DLGAP4: variants seen among roughly 807,000 people sequenced by gnomAD.
DLGAP4 encodes disks large-associated protein 4.
Under a neutral mutation model 86.9 loss-of-function variants are expected in DLGAP4, and 18 were observed. The ratio of observed to expected loss-of-function variants is 0.21; its 90% CI spans 0.14 to 0.31. The LOEUF is 0.31. Among genes scored for constraint, DLGAP4 ranks in the 10% least tolerant of loss-of-function variants. The probability of loss-of-function intolerance (pLI) is 1.00; values close to 1 mark genes in which losing one functional copy is unlikely to be tolerated. For missense variants in DLGAP4, 1,085 were observed against 1,362.6 expected, an observed-to-expected ratio of 0.80 and a Z score of 3.21; for synonymous variants, 548 against 574.3, an observed-to-expected ratio of 0.95 and a Z score of 0.65.
chr20:36,401,086 A>G (rs2032146157), intron 2 of DLGAP4, among the ~76,000 whole-genome samples: 1 of 152,048 alleles, frequency 6.6e-6, no homozygotes, highest in Non-Finnish European at 1.5e-5. Flanking sequence ...CCGCCCAGCA[A>G]CCAGAGACCT....
chr20:36,455,270 C>G (rs1269582758), intron 7 of DLGAP4, among the ~76,000 whole-genome samples: 1 of 151,974 alleles, frequency 6.6e-6, no homozygotes, highest in Non-Finnish European at 1.5e-5. Context: ...CTCTGCTTCT[C>G]CCTCCCACCC....
In DLGAP4 at chr20:36,431,991, G is replaced by T; in HGVS notation, c.274G>T (p.Ala92Ser). 1.2e-6 allele frequency: 2 copies of T among 1,614,152 alleles called. No individual in the cohort carries two copies. Among genetic ancestry groups the T allele is most frequent in the South Asian group, 2.2e-5 (2 of 91,082 alleles). ...AGAGGAGAGCCCCTTCCCCAGCCAT[G>T]CCCAAGCCACCAAGATCAACCGGCT... ...VPEESPFPSH[A>S]QATKINRLPA... is the part of the protein sequence containing the mutation. Residue 92 changes from alanine to serine, a missense_variant, in exon 3 of 13, where the codon GCC becomes TCC. Physicochemically the swap from Ala to Ser is moderately conservative, Grantham distance 99. Around this residue, in one of 2 missense-constraint regions of DLGAP4, gnomAD observed 1,082 missense variants for 1,344.1 expected, o/e 0.81. Coordinates refer to ENST00000339266, the MANE Select transcript of DLGAP4 (RefSeq NM_001365621.2). The surrounding 1 kb of genome is among the most constrained non-coding windows in gnomAD (Gnocchi z 5.1).
At chr20:36,388,990 A>C (rs1347056439) in intron 2 of DLGAP4, among the ~76,000 whole-genome samples, 4 of 152,164 alleles carry the variant, frequency 2.6e-5, no homozygotes, top group Non-Finnish European at 5.9e-5. Context: ...GACAAAGAGG[A>C]GTCAGGGCCA....
intron 2 of DLGAP4, among the ~76,000 whole-genome samples, chr20:36,398,955 G>A (rs2032076526): frequency 2.0e-5 from 3 of 152,218 alleles, no homozygotes; most frequent in Non-Finnish European, 4.4e-5. Flanking sequence ...CACTTTGGGA[G>A]GCTGAGGCGG....
intron 10 of DLGAP4, chr20:36,510,995 A>G (rs139452173): frequency 6.6e-6 from 1 of 152,234 alleles, no homozygotes; most frequent in African/African-American, 2.4e-5. Context: ...TAGAATTTGT[A>G]TATCAAGTTC....
intron 7 of DLGAP4, among the ~76,000 whole-genome samples, chr20:36,467,857 G>A (rs1183031827): frequency 6.6e-6 from 1 of 152,218 alleles, no homozygotes; most frequent in Non-Finnish European, 1.5e-5. Context: ...CATGAAATCT[G>A]TACAATAAGC....
At chr20:36,447,896 G>T (rs1401863155) in intron 7 of DLGAP4, among the ~76,000 whole-genome samples, 1 of 115,590 alleles carries the variant, frequency 8.7e-6, no homozygotes. Flanking sequence ...GGCCTATCAG[G>T]GGGGTGGGGG....
Position 36,447,266 on chromosome 20 carries a change from C to A in DLGAP4, c.1648+329C>A, listed in dbSNP as rs904199968. ...CAGGGCTTACTGCAGCTTGACCTGC[C>A]TCTTGGAATTAGTTCAGGTAGGCAA... On this transcript the variant is annotated intron_variant, in intron 7 of 12. Transcript: ENST00000339266. Among the ~76,000 whole-genome samples the A allele has an allele frequency of 2.6e-5, 4 of 152,162 alleles. No individual in the cohort carries two copies. In the East Asian group the frequency reaches 7.7e-4, roughly 29 times the overall value.
intron 2 of DLGAP4, among the ~76,000 whole-genome samples, chr20:36,369,911 A>G (rs1215771969): frequency 1.3e-5 from 2 of 152,036 alleles, no homozygotes; most frequent in African/African-American, 2.4e-5. Context: ...TATTCTGCCC[A>G]TTTTACAGAG....
In DLGAP4 at chr20:36,431,552, TC is replaced by T; in HGVS notation, c.-72-92del. 1 of 738,504 alleles carries T rather than the reference TC, an allele frequency of 1.4e-6. No homozygotes were observed. The highest frequency in any genetic ancestry group is 2.1e-6 in the Non-Finnish European group (1 of 468,192). 45.7% of individuals were successfully genotyped at this position (738,504 alleles called of 1,614,324 possible). On this transcript the variant is annotated intron_variant, in intron 2 of 12. Coordinates refer to ENST00000339266, the MANE Select transcript of DLGAP4 (RefSeq NM_001365621.2). This position sits in a 1 kb window ranked among gnomAD's most constrained non-coding sequence, Gnocchi z 5.1. ...CAACATTGAGGACTGGCTTCAGAGA[TC>T]CTCCCAGCCTTGCGATCTGGATCTG...
At chr20:36,333,855 C>T (rs1465872195) in intron 1 of DLGAP4, among the ~76,000 whole-genome samples, 3 of 152,204 alleles carry the variant, frequency 2.0e-5, no homozygotes, top group African/African-American at 7.2e-5. Context: ...ATAATTTTCC[C>T]CACTCCCTGC....
intron 2 of DLGAP4, among the ~76,000 whole-genome samples, chr20:36,369,018 C>A (rs558843163): frequency 1.3e-5 from 2 of 152,150 alleles, no homozygotes; most frequent in South Asian, 4.1e-4. Context: ...CGTGTGTGGC[C>A]CAGTGACGGA....
intron 2 of DLGAP4, among the ~76,000 whole-genome samples, chr20:36,392,658 G>A (rs1218922476): frequency 6.6e-6 from 1 of 152,164 alleles, no homozygotes; most frequent in Non-Finnish European, 1.5e-5. Flanking sequence ...GTGAGCCACC[G>A]CGCCCAGCCC....
At chr20:36,412,483 G>T (rs1021499835) in intron 2 of DLGAP4, among the ~76,000 whole-genome samples, 1 of 152,242 alleles carries the variant, frequency 6.6e-6, no homozygotes, top group Non-Finnish European at 1.5e-5. Context: ...AGCACAGGAA[G>T]CTCATTAGTG....
At chr20:36,459,699 C>T (rs2147609403) in intron 7 of DLGAP4, among the ~76,000 whole-genome samples, 1 of 152,342 alleles carries the variant, frequency 6.6e-6, no homozygotes, top group Non-Finnish European at 1.5e-5. Context: ...CCTCCGCTTC[C>T]CAGGTTCAAG....
chr20:36,332,297 C>T (rs1432423204), intron 1 of DLGAP4, among the ~76,000 whole-genome samples: 1 of 152,142 alleles, frequency 6.6e-6, no homozygotes, highest in East Asian at 1.9e-4. Flanking sequence ...ATGGCCCGAT[C>T]TCCACGGCCC....
intron 3 of DLGAP4, among the ~76,000 whole-genome samples, chr20:36,433,609 C>T (rs187688513): frequency 2.0e-5 from 3 of 151,084 alleles, no homozygotes; most frequent in East Asian, 3.9e-4. Flanking sequence ...GGAATGCAAG[C>T]GCGGGCCTGG....
chr20:36,461,017 C>G (rs748471388), intron 7 of DLGAP4, among the ~76,000 whole-genome samples: 4 of 152,204 alleles, frequency 2.6e-5, no homozygotes, highest in Non-Finnish European at 5.9e-5. Flanking sequence ...GAGGGCCAAT[C>G]TGACTATGCA....
At chr20:36,524,210 G>A in intron 10 of DLGAP4, 40 bp from the exon 11 acceptor site, 1 of 1,542,834 alleles carries the variant, frequency 6.5e-7, no homozygotes, top group South Asian at 1.1e-5. Flanking sequence ...CAAACCCTGT[G>A]CTGTGCTAAA....
Sources: gnomAD v4.1 joint callset for allele counts (sites outside exome capture counted in the v4.1 genomes callset) on GRCh38, gnomAD v4.1.1 for gene constraint, gnomAD v4.1.1 regional missense constraint, Gnocchi (gnomAD v3.1) non-coding constraint, MANE v1.5 for transcripts, NCBI Gene and HGNC (gene_info 2026-07-23, HGNC 2026-07-21) for gene names.